The following ZIM3 variants were observed in gnomAD, a reference collection of about 807,000 sequenced individuals.
The protein encoded by ZIM3 is zinc finger imprinted 3.
A neutral mutation model predicts 12.9 loss-of-function variants in ZIM3; 11 were observed. The observed-to-expected ratio is 0.85, with a 90% CI of 0.54 to 1.41. The LOEUF (loss-of-function observed/expected upper bound fraction) is 1.41, where lower values mean the gene tolerates loss of function less well. ZIM3 is among the 40% of genes most tolerant of loss of function. The pLI is 0.00. For synonymous variants in ZIM3, 205 were observed against 198.5 expected, an observed-to-expected ratio of 1.03 and a Z score of -0.28; for missense variants, 604 against 557.2, an observed-to-expected ratio of 1.08 and a Z score of -0.85.
Position 57,135,239 on chromosome 19 carries a change from A to G in ZIM3, c.1098T>C (p.Asp366=), listed in dbSNP as rs772260960. The G allele has an allele frequency of 1.3e-5, 21 of 1,613,898 alleles. No individual in the cohort carries two copies. The highest frequency in any genetic ancestry group is 1.5e-5 in the Non-Finnish European group (18 of 1,180,004). Residue 366 remains aspartate, a synonymous_variant, in exon 5 of 5, where the codon GAT becomes GAC. Coordinates refer to ENST00000269834, the MANE Select transcript of ZIM3 (RefSeq NM_052882.1). ...TCTGGATAAAGGTATTTCCACATAG[A>G]TCACACTCATAAGCTCTCTTCCCAG... is the stretch of plus-strand genomic sequence containing the variant. ...IHTGKRAYEC[D]LCGNTFIQKK...
intron 2 of ZIM3, among the ~76,000 whole-genome samples, chr19:57,139,055 G>C (rs867015697): frequency 9.2e-5 from 14 of 152,184 alleles, no homozygotes; most frequent in Non-Finnish European, 1.6e-4. Flanking sequence ...GGCCGGGCAC[G>C]GTGGCTCACA....
In ZIM3 at chr19:57,139,572, A is replaced by T. The variant is rs1009045669; in HGVS notation, c.16-974T>A. Among the ~76,000 whole-genome samples the T allele has an allele frequency of 2.6e-5, 4 of 151,018 alleles. No homozygotes were observed. In the East Asian group the frequency reaches 8.0e-4, roughly 30 times the overall value. ...GAAACCCCATCTCTACTAAAAATAC[A>T]AAAATTAGCCAGGTGTCGTGGTGCG... On this transcript the variant is annotated intron_variant, in intron 2 of 4. Transcript: ENST00000269834.
At chr19:57,141,471 C>G (rs964260267) in intron 2 of ZIM3, among the ~76,000 whole-genome samples, 1 of 149,974 alleles carries the variant, frequency 6.7e-6, no homozygotes, top group Non-Finnish European at 1.5e-5. Context: ...ATCCCATAGA[C>G]AGTTGTGGGT....
At chr19:57,143,305 TG>T (rs1187210988) in intron 1 of ZIM3, among the ~76,000 whole-genome samples, 1 of 144,986 alleles carries the variant, frequency 6.9e-6, no homozygotes, top group Non-Finnish European at 1.5e-5. Flanking sequence ...CACTCCAGCC[TG>T]GGCGACAGAG....
At chr19:57,138,915 G>A (rs763688070) in intron 2 of ZIM3, among the ~76,000 whole-genome samples, 1 of 152,208 alleles carries the variant, frequency 6.6e-6, no homozygotes, top group African/African-American at 2.4e-5. Flanking sequence ...CAGAGGCCGA[G>A]TATGGTGGCT....
In ZIM3 at chr19:57,135,308, G is replaced by A; in HGVS notation, c.1029C>T (p.Ala343=). ...KPYKCSICEK[A]FSQKSNVIDH... Reference sequence around the variant, plus strand: ...CGATGACATTGGATTTCTGGGAAAAGGCCTTCTCACATATGCTACATTTAT... The same window carrying A: ...CGATGACATTGGATTTCTGGGAAAAAGCCTTCTCACATATGCTACATTTAT... The change falls in exon 5 of 5, where the codon GCC becomes GCT. Residue 343 remains alanine (A), a synonymous_variant. Coordinates refer to ENST00000269834, the MANE Select transcript of ZIM3 (RefSeq NM_052882.1). The A allele has an allele frequency of 1.2e-6, 2 of 1,614,096 alleles. No individual in the cohort carries two copies. The highest frequency in any genetic ancestry group is 1.7e-6 in the Non-Finnish European group (2 of 1,180,028).
At chr19:57,142,316 A>C (rs921337002) in intron 2 of ZIM3, among the ~76,000 whole-genome samples, 2 of 151,686 alleles carry the variant, frequency 1.3e-5, no homozygotes, top group African/African-American at 4.8e-5. Flanking sequence ...CACCCAGCTA[A>C]TTTTTTGTAG....
chr19:57,134,833 A>T lies in ZIM3; in HGVS notation c.*85T>A. On this transcript the variant is annotated 3_prime_UTR_variant, in exon 5 of 5. Coordinates refer to ENST00000269834, the MANE Select transcript of ZIM3 (RefSeq NM_052882.1). ...CGCTACCTTCAAAAATAGCCTCCAA[A>T]TTAGAGGCCATTTCAACATGGAATT... 7.2e-7 allele frequency: 1 copy of T among 1,394,786 alleles called. No individual in the cohort carries two copies. The highest frequency in any genetic ancestry group is 9.8e-7 in the Non-Finnish European group (1 of 1,023,470). The allele number at this position is 1,394,786 out of a possible 1,614,324, so 86.4% of individuals were successfully genotyped here. A position where few individuals can be genotyped will look rare whatever the true frequency, so the allele number is the denominator to read the frequency against.
chr19:57,142,073 TCA>T (rs1441026387), intron 2 of ZIM3, among the ~76,000 whole-genome samples: 2 of 151,864 alleles, frequency 1.3e-5, no homozygotes, highest in Non-Finnish European at 2.9e-5. Flanking sequence ...ACCCATTGTC[TCA>T]GTCATTGGCT....
At chr19:57,141,833 G>A (rs1312258098) in intron 2 of ZIM3, among the ~76,000 whole-genome samples, 1 of 145,060 alleles carries the variant, frequency 6.9e-6, no homozygotes, top group Non-Finnish European at 1.5e-5. Flanking sequence ...CAGCCTGGGT[G>A]ACACAGCGAG....
In ZIM3 at chr19:57,135,492, T is replaced by C; in HGVS notation, c.845A>G (p.Asn282Ser). The change falls in exon 5 of 5, where the codon AAT becomes AGT. Residue 282 changes from asparagine to serine, a missense_variant. Physicochemically the swap from Asn to Ser is conservative, Grantham distance 46. Coordinates refer to ENST00000269834, the MANE Select transcript of ZIM3 (RefSeq NM_052882.1). ...IHNAKKSYQCNECEKSFRQNS... is the reference protein window; with the variant it reads ...IHNAKKSYQCSECEKSFRQNS... ...CTGCCTGAAGGATTTCTCACATTCATTACACTGATAGGATTTCTTGGCATT... is the reference window on the plus strand; with the variant it reads ...CTGCCTGAAGGATTTCTCACATTCACTACACTGATAGGATTTCTTGGCATT... 6.2e-7 allele frequency: 1 copy of C among 1,614,102 alleles called. No homozygotes were observed. The highest frequency in any genetic ancestry group is 8.5e-7 in the Non-Finnish European group (1 of 1,180,018).
chr19:57,137,699 C>T (rs1205578107), intron 3 of ZIM3, among the ~76,000 whole-genome samples: 1 of 145,344 alleles, frequency 6.9e-6, no homozygotes, highest in African/African-American at 2.7e-5. Flanking sequence ...GGTGACAGAG[C>T]GAGACTGTCT....
intron 2 of ZIM3, among the ~76,000 whole-genome samples, chr19:57,142,013 C>T (rs1568459862): frequency 1.3e-5 from 2 of 152,216 alleles, no homozygotes; most frequent in East Asian, 3.9e-4. Flanking sequence ...TGAGGCTGAG[C>T]TCCCATTTCT....
At chr19:57,140,485 A>T (rs970127420) in intron 2 of ZIM3, among the ~76,000 whole-genome samples, 15 of 144,770 alleles carry the variant, frequency 1.0e-4, no homozygotes, top group African/African-American at 3.4e-4. Context: ...CTTTTTTTTT[A>T]AATTTTTGAC....
rs780668493 is a variant in ZIM3, at chr19:57,135,551, C to T, written c.786G>A (p.Trp262Ter). ...TCTCATGATTAATGCAGGATGATTT[C>T]CAGGAAAAGGCTTTTCCACATGTCT... ...QCKTCGKAFS[W>*]KSSCINHEKI... The change falls in exon 5 of 5, where the codon TGG (tryptophan) becomes TGA (stop). Residue 262 changes from tryptophan to a stop codon, truncating the protein, a stop_gained. Coordinates refer to ENST00000269834, the MANE Select transcript of ZIM3 (RefSeq NM_052882.1). LOFTEE classifies it low-confidence loss of function (END_TRUNC). 1 of 1,613,860 alleles carries T rather than the reference C, an allele frequency of 6.2e-7. No homozygotes were observed. Among genetic ancestry groups the T allele is most frequent in the Non-Finnish European group, 8.5e-7 (1 of 1,179,908 alleles).
Position 57,136,959 on chromosome 19 carries a change from G to GT in ZIM3, c.154dup (p.Thr52AsnfsTer58), listed in dbSNP as rs1446556576. 4 of 1,614,012 alleles carry GT rather than the reference G, an allele frequency of 2.5e-6. No homozygotes were observed. In the East Asian group the frequency reaches 8.9e-5, roughly 36 times the overall value. Reference sequence around the variant, plus strand: ...CCTCAAGATCACATCGGGTTTGGTGGTTTCCCCTTGTCCTGTGATGGAAGA... The same window carrying GT: ...CCTCAAGATCACATCGGGTTTGGTGGTTTTCCCCTTGTCCTGTGATGGAAGA... On this transcript the variant is annotated frameshift_variant, in exon 4 of 5. Coordinates refer to ENST00000269834, the MANE Select transcript of ZIM3 (RefSeq NM_052882.1). LOFTEE classifies it high-confidence loss of function.
At chr19:57,139,032 A>G (rs2086902162) in intron 2 of ZIM3, among the ~76,000 whole-genome samples, 1 of 152,116 alleles carries the variant, frequency 6.6e-6, no homozygotes, top group African/African-American at 2.4e-5. Flanking sequence ...CTCAAAGAAC[A>G]TTTTATTATT....
rs758622269 is a variant in ZIM3 at position 57,135,725 on chromosome 19, G to C, written c.612C>G (p.Phe204Leu). ...PFECHSCGRA[F>L]GEKWKLDKHQ... ...GTTTATCAAGCTTCCACTTCTCCCC[G>C]AATGCTCTTCCACAGCTATGACATT... is the stretch of plus-strand genomic sequence containing the variant. Residue 204 changes from phenylalanine to leucine, a missense_variant, in exon 5 of 5, where the codon TTC (phenylalanine) becomes TTG (leucine). Physicochemically the swap from Phe to Leu is conservative, Grantham distance 22. Coordinates refer to ENST00000269834, the MANE Select transcript of ZIM3 (RefSeq NM_052882.1). The C allele has an allele frequency of 6.2e-7, 1 of 1,613,570 alleles. No individual in the cohort carries two copies. Among genetic ancestry groups the C allele is most frequent in the African/African-American group, 1.3e-5 (1 of 74,794 alleles).
At chr19:57,138,374 G>A in intron 3 of ZIM3, 98 bp downstream of exon 3, 3 of 1,552,316 alleles carry the variant, frequency 1.9e-6, no homozygotes, top group Non-Finnish European at 2.7e-6. Flanking sequence ...TGCGAAGTGA[G>A]GAGCACCTCT....
Sources: gnomAD v4.1 joint callset for allele counts (sites outside exome capture counted in the v4.1 genomes callset) on GRCh38, gnomAD v4.1.1 for gene constraint, MANE v1.5 for transcripts, NCBI Gene and HGNC (gene_info 2026-07-23, HGNC 2026-07-21) for gene names.